Variants in PKIA observed in about 807,000 individuals in gnomAD.
PKIA encodes cAMP-dependent protein kinase inhibitor alpha, also known as PKI-alpha.
PKIA carries 4 observed loss-of-function variants against 7.6 expected under a neutral mutation model. That is an observed-to-expected ratio of 0.52 (90% CI 0.26 to 1.20). The LOEUF (loss-of-function observed/expected upper bound fraction) is 1.20. PKIA is among the 50% of genes most tolerant of loss of function. The probability of loss-of-function intolerance (pLI) is 0.13; values close to 1 mark genes in which losing one functional copy is unlikely to be tolerated. For synonymous variants in PKIA, 21 were observed against 30.7 expected (o/e 0.68, Z 1.04); for missense variants, 73 against 86.2 (o/e 0.85, Z 0.61).
chr8:78,599,711 A>G (rs2130288986), intron 3 of PKIA, among the ~76,000 whole-genome samples: 1 of 152,210 alleles, frequency 6.6e-6, no homozygotes, highest in Admixed American at 6.5e-5. Flanking sequence ...TTCCAATTTC[A>G]TAACATGAGA....
chr8:78,564,690 T>C (rs1654991856), intron 1 of PKIA, among the ~76,000 whole-genome samples: 1 of 151,872 alleles, frequency 6.6e-6, no homozygotes, highest in South Asian at 2.1e-4. Context: ...TTCATTGTCC[T>C]GTCATGTGTA....
chr8:78,552,230 A>G (rs1807001243), intron 1 of PKIA, among the ~76,000 whole-genome samples: 1 of 151,950 alleles, frequency 6.6e-6, no homozygotes, highest in African/African-American at 2.4e-5. Flanking sequence ...GTGGTGAGAA[A>G]AAAAACTAAT....
At chr8:78,560,647 A>G (rs1479456782) in intron 1 of PKIA, among the ~76,000 whole-genome samples, 1 of 152,212 alleles carries the variant, frequency 6.6e-6, no homozygotes, top group Admixed American at 6.5e-5. Flanking sequence ...GACAGGGATA[A>G]TTTTTAACTA....
rs1299238383 is a variant in PKIA at position 78,537,867 on chromosome 8, C to T, written c.-157+21399C>T. ...CTTATCTATTGACAGTTCTTTTGAA[C>T]CACCATTGCTCTTCATGTTTTCTTG... On this transcript the variant is annotated intron_variant, in intron 1 of 3. Coordinates refer to ENST00000396418, the MANE Select transcript of PKIA (RefSeq NM_006823.4). Among the ~76,000 whole-genome samples, 5 of 152,018 alleles carry T rather than the reference C, an allele frequency of 3.3e-5. No homozygotes were observed. In the East Asian group the frequency reaches 7.7e-4, roughly 23 times the overall value.
At chr8:78,568,153 G>C (rs901843242) in intron 1 of PKIA, among the ~76,000 whole-genome samples, 1 of 152,116 alleles carries the variant, frequency 6.6e-6, no homozygotes, top group Non-Finnish European at 1.5e-5. Flanking sequence ...CTAACAATGT[G>C]TATACACATA....
At chr8:78,592,195 T>C (rs568655184) in intron 2 of PKIA, among the ~76,000 whole-genome samples, 1 of 152,262 alleles carries the variant, frequency 6.6e-6, no homozygotes, top group Admixed American at 6.5e-5. Context: ...CTAAAAGCAC[T>C]ATAATCATAG....
At chr8:78,583,834 T>G (rs1480856303) in intron 2 of PKIA, among the ~76,000 whole-genome samples, 1 of 152,020 alleles carries the variant, frequency 6.6e-6, no homozygotes, top group Non-Finnish European at 1.5e-5. Flanking sequence ...GGGAGTCATT[T>G]ATATCCCACT....
At chr8:78,582,624 T>C (rs1359659411) in intron 2 of PKIA, among the ~76,000 whole-genome samples, 1 of 152,100 alleles carries the variant, frequency 6.6e-6, no homozygotes, top group Non-Finnish European at 1.5e-5. Flanking sequence ...CAAATGTCTA[T>C]AAAATTAGTA....
intron 2 of PKIA, among the ~76,000 whole-genome samples, chr8:78,590,014 C>A (rs528713048): frequency 1.1e-4 from 17 of 152,094 alleles, no homozygotes; most frequent in Non-Finnish European, 2.2e-4. Context: ...TGAAAATGAA[C>A]AAAGTGAGCT....
intron 1 of PKIA, among the ~76,000 whole-genome samples, chr8:78,517,095 AG>A (rs1381072208): frequency 1.3e-5 from 2 of 152,102 alleles, no homozygotes; most frequent in African/African-American, 4.8e-5. Flanking sequence ...TCTTTTTCGG[AG>A]ATGCTGTGCC....
chr8:78,589,841 C>A (rs1808051368), intron 2 of PKIA, among the ~76,000 whole-genome samples: 1 of 152,166 alleles, frequency 6.6e-6, no homozygotes, highest in Non-Finnish European at 1.5e-5. Flanking sequence ...TGAAGCACTT[C>A]TGTTGTGTAT....
Position 78,598,488 on chromosome 8 carries a change from G to A in PKIA, c.104G>A (p.Ser35Asn). Residue 35 changes from serine (S) to asparagine (N), a missense_variant, in exon 3 of 4, where the codon AGC becomes AAC. Coordinates refer to ENST00000396418, the MANE Select transcript of PKIA (RefSeq NM_006823.4). ...CTGGTTTCCTCTGCAAGTGGCAACAGCAATGAATTAGCCTTGAAATTAGCA... is the reference window on the plus strand; with the variant it reads ...CTGGTTTCCTCTGCAAGTGGCAACAACAATGAATTAGCCTTGAAATTAGCA... ...DILVSSASGN[S>N]NELALKLAGL... 2 of 1,611,502 alleles carry A rather than the reference G, an allele frequency of 1.2e-6. No individual in the cohort carries two copies. Among genetic ancestry groups the A allele is most frequent in the Non-Finnish European group, 1.7e-6 (2 of 1,178,238 alleles).
chr8:78,553,839 A>C (rs879421105), intron 1 of PKIA, among the ~76,000 whole-genome samples: 7 of 151,800 alleles, frequency 4.6e-5, no homozygotes, highest in Non-Finnish European at 8.8e-5. Flanking sequence ...ATCCTTAAAC[A>C]GTCAGATAAG....
rs1206760979 is a variant in PKIA at position 78,592,724 on chromosome 8, T to A, written c.-27-5634T>A. The stretch of plus-strand genomic sequence containing the variant: ...GAATTGCCACCAGGATCTTTTAAAA[T>A]TCCCACATAGATAAGTCATAACACA... On this transcript the variant is annotated intron_variant, in intron 2 of 3. Transcript: ENST00000396418. Among the ~76,000 whole-genome samples the A allele has an allele frequency of 3.9e-5, 6 of 152,186 alleles. No individual in the cohort carries two copies. The South Asian group carries it at 8.3e-4, about 21-fold the overall frequency.
chr8:78,547,342 A>C (rs530297549), intron 1 of PKIA, among the ~76,000 whole-genome samples: 2 of 152,178 alleles, frequency 1.3e-5, no homozygotes, highest in African/African-American at 4.8e-5. Flanking sequence ...TGACCTCGTG[A>C]TCCACCCACC....
intron 1 of PKIA, among the ~76,000 whole-genome samples, chr8:78,564,065 AT>A (rs1346567903): frequency 6.6e-5 from 10 of 152,026 alleles, no homozygotes; most frequent in Admixed American, 6.6e-4. Context: ...ACAGTGGGCC[AT>A]TTACTGGCTT....
intron 1 of PKIA, among the ~76,000 whole-genome samples, chr8:78,538,039 G>A (rs1415923133): frequency 6.6e-6 from 1 of 151,930 alleles, no homozygotes; most frequent in Non-Finnish European, 1.5e-5. Flanking sequence ...CTAAGTCCCT[G>A]TGCTGACATA....
intron 1 of PKIA, among the ~76,000 whole-genome samples, chr8:78,523,939 T>A (rs1809468164): frequency 7.1e-6 from 1 of 140,568 alleles, no homozygotes; most frequent in African/African-American, 2.6e-5. Flanking sequence ...TAAATATATA[T>A]AAACATTTAT....
At chr8:78,529,167 T>A (rs1315293393) in intron 1 of PKIA, among the ~76,000 whole-genome samples, 1 of 152,102 alleles carries the variant, frequency 6.6e-6, no homozygotes, top group Non-Finnish European at 1.5e-5. Context: ...TTTTAGAACA[T>A]CATTTATAGC....
Sources: gnomAD v4.1 joint callset for allele counts (sites outside exome capture counted in the v4.1 genomes callset) on GRCh38, gnomAD v4.1.1 for gene constraint, MANE v1.5 for transcripts, NCBI Gene and HGNC (gene_info 2026-07-23, HGNC 2026-07-21) for gene names.